Variants in RFX4 observed in about 807,000 individuals in gnomAD.
RFX4 encodes regulatory factor X4.
RFX4 carries 10 observed loss-of-function variants against 95.0 expected under a neutral mutation model. That is an observed-to-expected ratio of 0.11 (90% confidence interval 0.06 to 0.18). The LOEUF (loss-of-function observed/expected upper bound fraction) is 0.18. RFX4 is among the 10% of genes least tolerant of loss of function. The probability of loss-of-function intolerance (pLI) is 1.00; values close to 1 mark genes in which losing one functional copy is unlikely to be tolerated. For synonymous variants in RFX4, 321 were observed against 340.7 expected, an observed-to-expected ratio of 0.94 and a Z score of 0.64; for missense variants, 640 against 922.0, an observed-to-expected ratio of 0.69 and a Z score of 3.96.
At chr12:106,625,149 G>T (rs2040268218) in intron 2 of RFX4, among the ~76,000 whole-genome samples, 1 of 152,160 alleles carries the variant, frequency 6.6e-6, no homozygotes, top group South Asian at 2.1e-4. Context: ...CTTAGAGAAG[G>T]GATGTGATTT....
At chr12:106,737,162 GTTTTTTTTTTTTTTTTTTTTTTTTTT>G (rs556116618) in intron 15 of RFX4, among the ~76,000 whole-genome samples, 24 of 54,926 alleles carry the variant, frequency 4.4e-4, no homozygotes, top group African/African-American at 9.4e-4. Flanking sequence ...CGGAACTAAA[GTTTTTTTTTTTTTTTTTTTTTTTTTT>G]TTTTTTTTTT....
intron 1 of RFX4, chr12:106,601,293 C>G (rs781103119): frequency 1.3e-6 from 2 of 1,593,648 alleles, no homozygotes; most frequent in South Asian, 2.3e-5. Context: ...AAAAGGAGAG[C>G]CCACCCTGGT....
chr12:106,720,062 A>C lies in RFX4; in HGVS notation c.1233+8A>C. 1 of 1,613,346 alleles carries C rather than the reference A, an allele frequency of 6.2e-7. No homozygotes were observed. Among genetic ancestry groups the C allele is most frequent in the Non-Finnish European group, 8.5e-7 (1 of 1,179,378 alleles). ...GACCGCTGTGTTGTGAAGGTTGGTA[A>C]ACCGGCACCTAGCGGGCAGCCTTGG... is the stretch of plus-strand genomic sequence containing the variant. On this transcript the variant is annotated splice_region_variant and intron_variant, in intron 12 of 17. Transcript: ENST00000392842. This position sits in a 1 kb window ranked among gnomAD's most constrained non-coding sequence, Gnocchi z 4.2.
At chr12:106,716,997 A>G (rs1397461980) in intron 11 of RFX4, among the ~76,000 whole-genome samples, 15 of 130,224 alleles carry the variant, frequency 1.2e-4, no homozygotes, top group Non-Finnish European at 2.4e-4. Context: ...TGTGCACAGG[A>G]GACAAAAAAA....
intron 4 of RFX4, among the ~76,000 whole-genome samples, chr12:106,664,739 T>C (rs975732102): frequency 6.6e-6 from 1 of 151,886 alleles, no homozygotes; most frequent in African/African-American, 2.4e-5. Context: ...TAATGTTGCA[T>C]TTTCATTTTC....
In RFX4 at chr12:106,635,676, A is replaced by C. The variant is rs191763588; in HGVS notation, c.131-3656A>C. On this transcript the variant is annotated intron_variant, in intron 2 of 17. Coordinates refer to ENST00000392842, the MANE Select transcript of RFX4 (RefSeq NM_213594.3). ...TTTGCTCAGTATTATAATTTCTAGA[A>C]GTTGGGTTGTGAGGACAAGCAGCTG... is the stretch of plus-strand genomic sequence containing the variant. 4.2e-4 allele frequency among the ~76,000 whole-genome samples: 64 copies of C among 152,228 alleles called. 1 individual carries two copies. The highest frequency in any genetic ancestry group is 7.6e-4 in the Non-Finnish European group (52 of 68,004).
At chr12:106,711,725 T>G (rs922857402) in intron 10 of RFX4, among the ~76,000 whole-genome samples, 9 of 152,232 alleles carry the variant, frequency 5.9e-5, no homozygotes, top group Admixed American at 5.9e-4. Flanking sequence ...CCCCTTAACC[T>G]TTCAGATATG....
At chr12:106,656,674 C>T (rs1177772679) in intron 4 of RFX4, among the ~76,000 whole-genome samples, 1 of 152,130 alleles carries the variant, frequency 6.6e-6, no homozygotes, top group African/African-American at 2.4e-5. Context: ...CTTTTCTCCT[C>T]TTCCATCTCC....
At chr12:106,669,913 T>C (rs1215434740) in intron 4 of RFX4, among the ~76,000 whole-genome samples, 1 of 145,064 alleles carries the variant, frequency 6.9e-6, no homozygotes, top group Non-Finnish European at 1.5e-5. Context: ...GTCAAACTCT[T>C]TGGGTTTGAA....
At chr12:106,750,879 TA>T in intron 17 of RFX4, 86 bp downstream of exon 17, 1 of 1,212,694 alleles carries the variant, frequency 8.2e-7, no homozygotes, top group Non-Finnish European at 1.1e-6. Context: ...CTGTTATGCA[TA>T]CTGTGTGTGC....
chr12:106,672,613 T>A (rs2041305633), intron 4 of RFX4, among the ~76,000 whole-genome samples: 1 of 152,198 alleles, frequency 6.6e-6, no homozygotes, highest in South Asian at 2.1e-4. Context: ...CTCCAGAAAT[T>A]AAAAGCTGAG....
At chr12:106,760,671 C>T (rs914406017) in intron 17 of RFX4, among the ~76,000 whole-genome samples, 4 of 152,168 alleles carry the variant, frequency 2.6e-5, no homozygotes, top group Non-Finnish European at 5.9e-5. Flanking sequence ...TGCTTTTAGG[C>T]TGAAGTTTAT....
intron 17 of RFX4, 77 bp downstream of exon 17, chr12:106,750,870 T>G (rs1308751750): frequency 1.5e-6 from 2 of 1,324,732 alleles, no homozygotes; most frequent in African/African-American, 3.0e-5. Flanking sequence ...GTTCATAAAC[T>G]GTTATGCATA....
At chr12:106,740,916 G>A (rs2042793432) in intron 15 of RFX4, among the ~76,000 whole-genome samples, 1 of 152,144 alleles carries the variant, frequency 6.6e-6, no homozygotes, top group Non-Finnish European at 1.5e-5. Context: ...TATGCGACGG[G>A]GAAAAGCATG....
intron 8 of RFX4, among the ~76,000 whole-genome samples, chr12:106,696,822 G>C (rs2041889098): frequency 1.3e-5 from 2 of 152,120 alleles, no homozygotes; most frequent in African/African-American, 4.8e-5. Context: ...TTACTGAAAT[G>C]GTGACATACA....
chr12:106,598,099 G>A (rs1404504695), intron 1 of RFX4, among the ~76,000 whole-genome samples: 10 of 152,286 alleles, frequency 6.6e-5, no homozygotes. Context: ...GAGGTTTGAA[G>A]AAGTTAATTT....
chr12:106,675,028 G>A lies in RFX4; in HGVS notation c.316-6965G>A, dbSNP rs183208623. 1.4e-4 allele frequency among the ~76,000 whole-genome samples: 21 copies of A among 152,300 alleles called. No homozygotes were observed. The East Asian group carries it at 2.9e-3, about 21-fold the overall frequency. ...TTTATAAAGATTCTATGGGAGTGGCGGAGTTGGAGAAATTTGGTCAAAGAA... is the reference window on the plus strand; with the variant it reads ...TTTATAAAGATTCTATGGGAGTGGCAGAGTTGGAGAAATTTGGTCAAAGAA... On this transcript the variant is annotated intron_variant, in intron 4 of 17. Coordinates refer to ENST00000392842, the MANE Select transcript of RFX4 (RefSeq NM_213594.3).
chr12:106,645,605 T>C (rs1488617992), intron 3 of RFX4, among the ~76,000 whole-genome samples: 1 of 152,220 alleles, frequency 6.6e-6, no homozygotes, highest in Non-Finnish European at 1.5e-5. Flanking sequence ...AAAAGAAATT[T>C]ATAATTTCTC....
At chr12:106,744,843 T>C (rs192268436) in intron 15 of RFX4, among the ~76,000 whole-genome samples, 72 of 152,332 alleles carry the variant, frequency 4.7e-4, no homozygotes, top group Admixed American at 4.1e-3. Context: ...TTTTGTGTGA[T>C]GCCATTAGCC....
Sources: gnomAD v4.1 joint callset for allele counts (sites outside exome capture counted in the v4.1 genomes callset) on GRCh38, gnomAD v4.1.1 for gene constraint, Gnocchi (gnomAD v3.1) non-coding constraint, MANE v1.5 for transcripts, NCBI Gene and HGNC (gene_info 2026-07-23, HGNC 2026-07-21) for gene names.